PARP10: variants seen among roughly 807,000 people sequenced by gnomAD.
PARP10 encodes protein mono-ADP-ribosyltransferase PARP10.
A neutral mutation model predicts 82.4 loss-of-function variants in PARP10; 56 were observed. That is an observed-to-expected ratio of 0.68 (90% CI 0.55 to 0.85). PARP10 has a LOEUF of 0.85. Among genes scored for constraint, PARP10 ranks in the 40% least tolerant of loss-of-function variants. The probability of loss-of-function intolerance (pLI) is 0.00; values close to 1 mark genes in which losing one functional copy is unlikely to be tolerated. For synonymous variants in PARP10, 576 were observed against 601.1 expected (o/e 0.96, Z 0.61); for missense variants, 1,227 against 1,379.4 (o/e 0.89, Z 1.75).
At position 143,984,867 on chromosome 8, in the gene PARP10, G is replaced by C; in HGVS notation, c.1135C>G (p.Leu379Val). The change falls in exon 5 of 11, where the codon CTG (leucine) becomes GTG (valine). Residue 379 changes from leucine to valine, a missense_variant. By Grantham distance (32) the Leu-to-Val change is conservative. Coordinates refer to ENST00000313028, the MANE Select transcript of PARP10 (RefSeq NM_032789.5). ...GLQEQEGPMS[L>V]GPVGSAGPVE... Reference sequence around the variant, plus strand: ...GGGCCTGCAGACCCCACAGGCCCCAGGCTCATGGGCCCCTCCTGTTCCTGC... The same window carrying C: ...GGGCCTGCAGACCCCACAGGCCCCACGCTCATGGGCCCCTCCTGTTCCTGC... 2 of 1,613,786 alleles carry C rather than the reference G, an allele frequency of 1.2e-6. No individual in the cohort carries two copies. The highest frequency in any genetic ancestry group is 1.7e-6 in the Non-Finnish European group (2 of 1,179,908).
chr8:143,977,898 A>C lies in PARP10; in HGVS notation c.2731+9T>G. On this transcript the variant is annotated intron_variant, in intron 10 of 10. Transcript: ENST00000313028. ...CAGAGCCCCCGCCCCTGCCCGGCTC[A>C]GGCCTCACCGTTGCGGCCGCAGAAG... 6.2e-7 allele frequency: 1 copy of C among 1,602,120 alleles called. No individual in the cohort carries two copies. The highest frequency in any genetic ancestry group is 8.5e-7 in the Non-Finnish European group (1 of 1,179,070).
At chr8:143,978,404 A>C (rs1554746952) in intron 9 of PARP10, among the ~76,000 whole-genome samples, 1 of 152,202 alleles carries the variant, frequency 6.6e-6, no homozygotes, top group East Asian at 1.9e-4. Flanking sequence ...CTTGACTCCA[A>C]CACGAGGAGA....
chr8:143,997,014 C>A (rs1587472561), intron 1 of PARP10, among the ~76,000 whole-genome samples: 1 of 152,260 alleles, frequency 6.6e-6, no homozygotes, highest in South Asian at 2.1e-4. Context: ...TCCTGGGGGA[C>A]CTGGTCCCAG....
intron 1 of PARP10, among the ~76,000 whole-genome samples, chr8:144,010,737 T>C (rs1487492611): frequency 2.6e-5 from 4 of 151,802 alleles, no homozygotes; most frequent in Non-Finnish European, 5.9e-5. Flanking sequence ...TAATAAAAAT[T>C]AGCCGAGTGT....
upstream of PARP10, among the ~76,000 whole-genome samples, chr8:143,994,748 C>T (rs782655776): frequency 1.2e-4 from 18 of 152,140 alleles, no homozygotes; most frequent in African/African-American, 2.4e-4. Flanking sequence ...TGCTGAGCAG[C>T]GAGTGGGCCA....
Position 143,977,468 on chromosome 8 carries a change from A to C in PARP10, c.*16T>G. 6.6e-7 allele frequency: 1 copy of C among 1,524,402 alleles called. No individual in the cohort carries two copies. Among genetic ancestry groups the C allele is most frequent in the Non-Finnish European group, 8.8e-7 (1 of 1,131,908 alleles). 94.4% of individuals were successfully genotyped at this position (1,524,402 alleles called of 1,614,324 possible). On this transcript the variant is annotated 3_prime_UTR_variant, in exon 11 of 11. Transcript: ENST00000313028. ...GGGAGCCTGGGAAGCAGGAGGCCAG[A>C]GGGTGGCCCCTTCGGTTAAGTGTCT...
chr8:143,982,002 T>A (rs1328873993), intron 9 of PARP10, among the ~76,000 whole-genome samples: 1 of 151,166 alleles, frequency 6.6e-6, no homozygotes, highest in East Asian at 1.9e-4. Flanking sequence ...GATGGGGTGA[T>A]GGTGATGATG....
chr8:143,996,963 G>C (rs1020556581), intron 1 of PARP10, among the ~76,000 whole-genome samples: 1 of 152,082 alleles, frequency 6.6e-6, no homozygotes, highest in Non-Finnish European at 1.5e-5. Flanking sequence ...CAGGCAGGGA[G>C]ACCCAGACTT....
At chr8:143,998,333 A>G (rs1354636240) in intron 1 of PARP10, among the ~76,000 whole-genome samples, 3 of 152,188 alleles carry the variant, frequency 2.0e-5, no homozygotes, top group Non-Finnish European at 4.4e-5. Context: ...AACCAGACAG[A>G]GCTTTAGCAA....
chr8:143,986,133 G>T lies in PARP10; in HGVS notation c.103C>A (p.Arg35=), dbSNP rs1409207406. The T allele has an allele frequency of 1.2e-6, 2 of 1,613,970 alleles. No individual in the cohort carries two copies. The highest frequency in any genetic ancestry group is 8.5e-7 in the Non-Finnish European group (1 of 1,180,012). The change falls in exon 2 of 11, where the codon CGA becomes AGA. Residue 35 remains arginine (R), a synonymous_variant. Coordinates refer to ENST00000313028, the MANE Select transcript of PARP10 (RefSeq NM_032789.5). ...ELLTLYFENR[R]RSGGGPVLSW... Reference sequence around the variant, plus strand: ...AACACAGGTCCCCCTCCAGAGCGTCGGCGGTTTTCAAAGTAGAGAGTGAGC... The same window carrying T: ...AACACAGGTCCCCCTCCAGAGCGTCTGCGGTTTTCAAAGTAGAGAGTGAGC...
At chr8:144,005,524 A>G (rs1370628085) in intron 1 of PARP10, among the ~76,000 whole-genome samples, 1 of 152,128 alleles carries the variant, frequency 6.6e-6, no homozygotes, top group African/African-American at 2.4e-5. Context: ...GAATGAGGGT[A>G]GCTCCTCCTA....
At chr8:144,009,777 G>A (rs1834260909) in intron 1 of PARP10, among the ~76,000 whole-genome samples, 1 of 152,102 alleles carries the variant, frequency 6.6e-6, no homozygotes, top group Non-Finnish European at 1.5e-5. Flanking sequence ...AAGCCGCAAG[G>A]CCATCCTGCC....
upstream of PARP10, among the ~76,000 whole-genome samples, chr8:143,987,889 T>TAAA (rs142649749): frequency 6.8e-6 from 1 of 147,080 alleles, no homozygotes; most frequent in African/African-American, 2.5e-5. Flanking sequence ...AGACTCTGTC[T>TAAA]AAAAAAAAAA....
chr8:143,990,042 T>C (rs1316477409), upstream of PARP10: 1 of 69,486 alleles, frequency 1.4e-5, no homozygotes, highest in Non-Finnish European at 3.0e-5. This position sits in a 1 kb window ranked among gnomAD's most constrained non-coding sequence, Gnocchi z 5.6. Context: ...CCCCGCCCCC[T>C]GCCCCGCCCC....
At chr8:143,998,024 T>C (rs1834175571) in intron 1 of PARP10, among the ~76,000 whole-genome samples, 1 of 151,908 alleles carries the variant, frequency 6.6e-6, no homozygotes, top group African/African-American at 2.4e-5. Flanking sequence ...AACTCCTGGG[T>C]TCAAGCGATC....
chr8:143,977,878 C>G lies in PARP10; in HGVS notation c.2731+29G>C, dbSNP rs781858637. On this transcript the variant is annotated intron_variant, in intron 10 of 10. Coordinates refer to ENST00000313028, the MANE Select transcript of PARP10 (RefSeq NM_032789.5). The stretch of plus-strand genomic sequence containing the variant: ...GTCAGGGTGGTCGGGGTGCGCAGAG[C>G]CCCCGCCCCTGCCCGGCTCAGGCCT... 4.9e-5 allele frequency: 79 copies of G among 1,597,932 alleles called. 1 individual carries two copies. In the South Asian group the frequency reaches 8.6e-4, roughly 17 times the overall value.
upstream of PARP10, chr8:143,988,757 C>G (rs1834042828): frequency 6.6e-6 from 1 of 152,272 alleles, no homozygotes; most frequent in Non-Finnish European, 1.5e-5. Flanking sequence ...CGTAAGCCAC[C>G]GCGCCCAGCA....
At chr8:143,996,039 C>T (rs1834162233), upstream of PARP10, among the ~76,000 whole-genome samples, 1 of 152,150 alleles carries the variant, frequency 6.6e-6, no homozygotes, top group Admixed American at 6.5e-5. Context: ...GTCCCGCTTC[C>T]CTAAACCCTC....
upstream of PARP10, chr8:143,992,057 C>A: frequency 1.9e-6 from 3 of 1,613,960 alleles, no homozygotes; most frequent in Middle Eastern, 1.6e-4. Flanking sequence ...GGCGAAAGCA[C>A]CCCTGGAACC....
Sources: allele counts gnomAD v4.1 joint callset (sites outside exome capture counted in the v4.1 genomes callset), GRCh38; gene constraint gnomAD v4.1.1; non-coding constraint Gnocchi (gnomAD v3.1); transcripts MANE v1.5; gene names NCBI Gene and HGNC (gene_info 2026-07-23, HGNC 2026-07-21).